HTR2C: variants seen among roughly 807,000 people sequenced by gnomAD.
The protein encoded by HTR2C is 5-hydroxytryptamine receptor 2C.
HTR2C carries 5 observed loss-of-function variants against 21.0 expected under a neutral mutation model. That is an observed-to-expected ratio of 0.24 (90% CI 0.12 to 0.50). The LOEUF is 0.50. HTR2C is among the 20% of genes least tolerant of loss of function. The probability of loss-of-function intolerance (pLI) is 0.98; values close to 1 mark genes in which losing one functional copy is unlikely to be tolerated. For missense variants in HTR2C, 271 were observed against 371.2 expected, an observed-to-expected ratio of 0.73 and a Z score of 2.22; for synonymous variants, 150 against 145.3, an observed-to-expected ratio of 1.03 and a Z score of -0.23.
chrX:114,613,980 C>T lies in HTR2C; in HGVS notation c.-80+99C>T, dbSNP rs371123739. 5.4e-5 allele frequency: 6 copies of T among 110,740 alleles called. No individual in the cohort carries two copies. The East Asian group carries it at 1.4e-3, about 26-fold the overall frequency. 9.1% of individuals were successfully genotyped at this position (110,740 alleles called of 1,213,427 possible). On this transcript the variant is annotated intron_variant, in intron 2 of 5. Coordinates refer to ENST00000276198, the MANE Select transcript of HTR2C (RefSeq NM_000868.4). The stretch of plus-strand genomic sequence containing the variant: ...CTATTATTTTGCTAGTGTAGACCTA[C>T]CCCTGAACTAGTAAAACATATGCCA...
chrX:114,804,458 G>A (rs1192424784), intron 4 of HTR2C, among the ~76,000 whole-genome samples: 2 of 111,907 alleles, frequency 1.8e-5, no homozygotes, highest in African/African-American at 3.2e-5. Context: ...TCTGCAAAAT[G>A]TTGCAATAGC....
chrX:114,893,130 G>C (rs1050665143), intron 5 of HTR2C, among the ~76,000 whole-genome samples: 81 of 109,419 alleles, frequency 7.4e-4, no homozygotes, highest in African/African-American at 2.6e-3. Context: ...GGCCAGGCTG[G>C]TCTTGATCTC....
At chrX:114,651,600 T>A (rs1353553470) in intron 2 of HTR2C, 3 of 125,276 alleles carry the variant, frequency 2.4e-5, no homozygotes, top group African/African-American at 9.7e-5. Flanking sequence ...ACCCAGAGCA[T>A]GCAGTGTGAA....
At chrX:114,671,161 A>G (rs1931365321) in intron 2 of HTR2C, among the ~76,000 whole-genome samples, 1 of 111,968 alleles carries the variant, frequency 8.9e-6, no homozygotes, top group African/African-American at 3.2e-5. Flanking sequence ...GAAATCAAAC[A>G]GATTAACATT....
intron 4 of HTR2C, among the ~76,000 whole-genome samples, chrX:114,806,239 A>G (rs891458841): frequency 5.0e-5 from 5 of 99,888 alleles, no homozygotes; most frequent in Admixed American, 1.2e-4. Context: ...TATACCATAT[A>G]TATACCATAT....
At chrX:114,620,810 A>T (rs942957649) in intron 2 of HTR2C, among the ~76,000 whole-genome samples, 3 of 112,048 alleles carry the variant, frequency 2.7e-5, no homozygotes, top group Non-Finnish European at 5.6e-5. Context: ...TAAAAGATTG[A>T]TGATTTTAAG....
intron 2 of HTR2C, among the ~76,000 whole-genome samples, chrX:114,663,837 G>T (rs146240075): frequency 9.0e-6 from 1 of 111,531 alleles, no homozygotes; most frequent in Non-Finnish European, 1.9e-5. Context: ...ACTAGACTGC[G>T]GGGGTGAGGG....
At chrX:114,610,161 G>A (rs1344072623) in intron 1 of HTR2C, among the ~76,000 whole-genome samples, 2 of 111,654 alleles carry the variant, frequency 1.8e-5, no homozygotes, top group Non-Finnish European at 3.8e-5. Flanking sequence ...GAATATCCAT[G>A]AATATCGAAA....
At chrX:114,683,954 A>C (rs1218421450) in intron 2 of HTR2C, among the ~76,000 whole-genome samples, 19 of 112,299 alleles carry the variant, frequency 1.7e-4, no homozygotes, top group African/African-American at 6.1e-4. Context: ...TTTTGAAATA[A>C]AAATATTCTC....
intron 4 of HTR2C, among the ~76,000 whole-genome samples, chrX:114,793,379 C>T (rs1288164232): frequency 4.5e-5 from 5 of 111,550 alleles, no homozygotes; most frequent in Admixed American, 1.9e-4. Flanking sequence ...CTGATCTAAT[C>T]TCTATACTTT....
chrX:114,846,171 T>G (rs1220698428), intron 4 of HTR2C, among the ~76,000 whole-genome samples: 2 of 111,532 alleles, frequency 1.8e-5, no homozygotes, highest in Non-Finnish European at 3.8e-5. Context: ...GTAACTACAT[T>G]GAATCAGTGA....
At chrX:114,710,842 A>G (rs1932881717) in intron 2 of HTR2C, among the ~76,000 whole-genome samples, 1 of 111,213 alleles carries the variant, frequency 9.0e-6, no homozygotes, top group Non-Finnish European at 1.9e-5. Flanking sequence ...TAGCTTCTCT[A>G]CTGCCAGAAT....
At chrX:114,748,270 A>C (rs782695950) in intron 4 of HTR2C, among the ~76,000 whole-genome samples, 6 of 112,073 alleles carry the variant, frequency 5.4e-5, no homozygotes, top group Non-Finnish European at 9.4e-5. Flanking sequence ...TAAAGACCCA[A>C]ATAAATGGAG....
chrX:114,702,532 G>C (rs1418513840), intron 2 of HTR2C, among the ~76,000 whole-genome samples: 1 of 110,908 alleles, frequency 9.0e-6, no homozygotes, highest in Non-Finnish European at 1.9e-5. Context: ...TCACCACCAG[G>C]CCTGCCCTAA....
At chrX:114,886,220 A>T (rs1473518344) in intron 5 of HTR2C, among the ~76,000 whole-genome samples, 1 of 110,684 alleles carries the variant, frequency 9.0e-6, no homozygotes, top group Non-Finnish European at 1.9e-5. Flanking sequence ...TTTTAATTTC[A>T]ATATATTTGT....
intron 1 of HTR2C, among the ~76,000 whole-genome samples, chrX:114,600,484 T>C (rs1602626789): frequency 9.0e-6 from 1 of 111,568 alleles, no homozygotes; most frequent in South Asian, 3.7e-4. Flanking sequence ...AGGTGAAGGA[T>C]AGCTATTTAC....
intron 2 of HTR2C, among the ~76,000 whole-genome samples, chrX:114,698,219 A>G (rs191265459): frequency 2.7e-5 from 3 of 112,389 alleles, no homozygotes; most frequent in Non-Finnish European, 5.6e-5. Context: ...TAAAATGTTA[A>G]TAGGATGAGA....
At chrX:114,736,657 G>T (rs976431058) in intron 4 of HTR2C, among the ~76,000 whole-genome samples, 9 of 111,401 alleles carry the variant, frequency 8.1e-5, no homozygotes, top group Non-Finnish European at 1.5e-4. Context: ...CAAAAACAAA[G>T]AATATATATC....
chrX:114,668,279 T>C (rs1206776616), intron 2 of HTR2C, among the ~76,000 whole-genome samples: 1 of 111,862 alleles, frequency 8.9e-6, no homozygotes, highest in African/African-American at 3.2e-5. Flanking sequence ...GTTCTCCTTT[T>C]AGCTTGAAAC....
Sources: allele counts gnomAD v4.1 joint callset (sites outside exome capture counted in the v4.1 genomes callset), GRCh38; gene constraint gnomAD v4.1.1; transcripts MANE v1.5; gene names NCBI Gene and HGNC (gene_info 2026-07-23, HGNC 2026-07-21).